The following XRCC4 variants were observed in gnomAD, a reference collection of about 807,000 sequenced individuals.
The protein encoded by XRCC4 is X-ray repair cross complementing 4.
A neutral mutation model predicts 39.1 loss-of-function variants in XRCC4; 28 were observed. The ratio of observed to expected loss-of-function variants is 0.72; its 90% CI spans 0.53 to 0.98. The LOEUF (loss-of-function observed/expected upper bound fraction) is 0.98. XRCC4 is among the 50% of genes least tolerant of loss of function. The pLI is 0.00. For synonymous variants in XRCC4, 123 were observed against 126.4 expected (o/e 0.97, Z 0.18); for missense variants, 350 against 376.4 (o/e 0.93, Z 0.58).
chr5:83,095,306 C>T (rs1215691774), intron 1 of XRCC4, among the ~76,000 whole-genome samples: 5 of 152,076 alleles, frequency 3.3e-5, no homozygotes, highest in Non-Finnish European at 5.9e-5. Flanking sequence ...TCAGCCTTGG[C>T]CACAGGGTGT....
chr5:83,302,899 G>A (rs1755340132), intron 7 of XRCC4, among the ~76,000 whole-genome samples: 1 of 152,132 alleles, frequency 6.6e-6, no homozygotes, highest in South Asian at 2.1e-4. Flanking sequence ...GAGGCACAGA[G>A]TCACAAATAA....
intron 3 of XRCC4, among the ~76,000 whole-genome samples, chr5:83,165,169 C>A (rs1345781576): frequency 6.6e-6 from 1 of 151,742 alleles, no homozygotes; most frequent in Non-Finnish European, 1.5e-5. Flanking sequence ...TGACACAGGT[C>A]ATAATGAAAT....
chr5:83,221,760 ATAC>A (rs780643732), intron 6 of XRCC4, among the ~76,000 whole-genome samples: 4 of 151,906 alleles, frequency 2.6e-5, no homozygotes, highest in Middle Eastern at 3.4e-3. Context: ...TATTTAATAA[ATAC>A]TACATTTAAT....
At chr5:83,210,743 G>T (rs770498914) in intron 6 of XRCC4, among the ~76,000 whole-genome samples, 22 of 152,154 alleles carry the variant, frequency 1.4e-4, no homozygotes, top group Non-Finnish European at 2.8e-4. Context: ...GATTGAACAA[G>T]TAAGACTTCA....
chr5:83,349,127 A>C (rs1757005657), intron 7 of XRCC4, among the ~76,000 whole-genome samples: 1 of 152,144 alleles, frequency 6.6e-6, no homozygotes, highest in South Asian at 2.1e-4. Context: ...CTTATTACCC[A>C]GTTCCAAAGT....
At chr5:83,123,569 A>G (rs1747114950) in intron 3 of XRCC4, among the ~76,000 whole-genome samples, 1 of 151,982 alleles carries the variant, frequency 6.6e-6, no homozygotes, top group Non-Finnish European at 1.5e-5. Context: ...GGTGGTTTAA[A>G]AATCTACTAT....
intron 3 of XRCC4, among the ~76,000 whole-genome samples, chr5:83,159,568 A>G (rs193074975): frequency 6.6e-6 from 1 of 152,302 alleles, no homozygotes; most frequent in Non-Finnish European, 1.5e-5. Flanking sequence ...GATAGGTGAA[A>G]AACCAAGGGG....
At chr5:83,334,622 C>A (rs1756536132) in intron 7 of XRCC4, among the ~76,000 whole-genome samples, 1 of 151,844 alleles carries the variant, frequency 6.6e-6, no homozygotes, top group African/African-American at 2.4e-5. Context: ...TTTTATAATA[C>A]AACTACTTTT....
At chr5:83,210,261 G>A (rs1358486406) in intron 6 of XRCC4, among the ~76,000 whole-genome samples, 18 of 152,048 alleles carry the variant, frequency 1.2e-4, no homozygotes, top group Non-Finnish European at 2.6e-4. Flanking sequence ...TGCCCAGCTT[G>A]TTTATCATAG....
At chr5:83,295,090 G>C (rs1427829886) in intron 7 of XRCC4, among the ~76,000 whole-genome samples, 1 of 151,902 alleles carries the variant, frequency 6.6e-6, no homozygotes, top group Non-Finnish European at 1.5e-5. Context: ...TCAAATATAG[G>C]AAACAATGGA....
At chr5:83,092,883 G>A (rs1166592754) in intron 1 of XRCC4, among the ~76,000 whole-genome samples, 1 of 151,852 alleles carries the variant, frequency 6.6e-6, no homozygotes, top group Non-Finnish European at 1.5e-5. Flanking sequence ...ATATCTTCAA[G>A]AAAAAAAGAC....
intron 7 of XRCC4, among the ~76,000 whole-genome samples, chr5:83,322,902 T>G (rs1756124929): frequency 6.6e-6 from 1 of 152,208 alleles, no homozygotes; most frequent in Non-Finnish European, 1.5e-5. Context: ...AAATGTGTGT[T>G]GTTTTAAACA....
At chr5:83,096,493 G>T (rs1291006142) in intron 1 of XRCC4, among the ~76,000 whole-genome samples, 1 of 152,076 alleles carries the variant, frequency 6.6e-6, no homozygotes, top group East Asian at 1.9e-4. Flanking sequence ...TGGGGAACAG[G>T]ATTATTTCTG....
intron 3 of XRCC4, among the ~76,000 whole-genome samples, chr5:83,186,501 G>A (rs1353461632): frequency 6.6e-6 from 1 of 152,000 alleles, no homozygotes; most frequent in Non-Finnish European, 1.5e-5. Flanking sequence ...CTCTTGTAAG[G>A]ACCATTGTGA....
At chr5:83,167,985 G>A (rs192459427) in intron 3 of XRCC4, among the ~76,000 whole-genome samples, 5 of 152,060 alleles carry the variant, frequency 3.3e-5, no homozygotes, top group Non-Finnish European at 5.9e-5. Context: ...AGATTTTTAG[G>A]GAATATTAAG....
chr5:83,124,049 G>C (rs999255632), intron 3 of XRCC4, among the ~76,000 whole-genome samples: 13 of 152,110 alleles, frequency 8.5e-5, no homozygotes, highest in Admixed American at 8.5e-4. Context: ...ATTGAAAGCA[G>C]GAAATTGACT....
intron 7 of XRCC4, among the ~76,000 whole-genome samples, chr5:83,320,591 T>A (rs1011942293): frequency 1.3e-5 from 2 of 151,696 alleles, no homozygotes; most frequent in Admixed American, 6.6e-5. Context: ...AGAAATATTT[T>A]GTGAAGGGGT....
At chr5:83,244,876 T>C (rs907203468) in intron 6 of XRCC4, among the ~76,000 whole-genome samples, 2 of 152,224 alleles carry the variant, frequency 1.3e-5, no homozygotes, top group African/African-American at 4.8e-5. Flanking sequence ...TGAAAACATC[T>C]TAAACATAAG....
intron 3 of XRCC4, among the ~76,000 whole-genome samples, chr5:83,141,264 A>G (rs1413827446): frequency 1.3e-5 from 2 of 152,220 alleles, no homozygotes; most frequent in Non-Finnish European, 2.9e-5. Context: ...CAACACTGCA[A>G]TGAATAACCT....
Sources: allele counts gnomAD v4.1 joint callset (sites outside exome capture counted in the v4.1 genomes callset), GRCh38; gene constraint gnomAD v4.1.1; transcripts MANE v1.5; gene names NCBI Gene and HGNC (gene_info 2026-07-23, HGNC 2026-07-21).